STAG2: variants seen among roughly 807,000 people sequenced by gnomAD.
STAG2 encodes the protein STAG2 cohesin complex component.
Under a neutral mutation model 108.1 loss-of-function variants are expected in STAG2, and 14 were observed. That is an observed-to-expected ratio of 0.13 (90% CI 0.09 to 0.20). The LOEUF is 0.20. Ranked by LOEUF, STAG2 falls within the 10% of genes least tolerant of loss-of-function variation. STAG2 has a pLI of 1.00. For synonymous variants in STAG2, 307 were observed against 302.7 expected (o/e 1.01, Z -0.15); for missense variants, 440 against 940.9 (o/e 0.47, Z 6.96).
chrX:124,058,478 AC>A (rs1227509964), intron 15 of STAG2, among the ~76,000 whole-genome samples: 3 of 112,417 alleles, frequency 2.7e-5, no homozygotes, highest in African/African-American at 9.7e-5. Flanking sequence ...AGATGTTCAA[AC>A]AGTAGGATTT....
chrX:123,990,115 T>C (rs926634342), intron 1 of STAG2, among the ~76,000 whole-genome samples: 1 of 111,679 alleles, frequency 9.0e-6, no homozygotes, highest in African/African-American at 3.3e-5. Context: ...AAAATGAAAG[T>C]ACACTCCACA....
intron 1 of STAG2, among the ~76,000 whole-genome samples, chrX:123,991,632 C>T (rs1036785137): frequency 5.5e-5 from 6 of 108,901 alleles, no homozygotes; most frequent in East Asian, 2.9e-4. Context: ...GGATTACAGG[C>T]GTGAGCCACC....
intron 2 of STAG2, among the ~76,000 whole-genome samples, chrX:124,021,689 C>T (rs1411798658): frequency 9.0e-6 from 1 of 111,723 alleles, no homozygotes; most frequent in African/African-American, 3.3e-5. Flanking sequence ...AACATTTTTT[C>T]CCCCTTCTCT....
chrX:124,056,731 TAAAAA>T (rs771229412), intron 14 of STAG2, among the ~76,000 whole-genome samples: 3 of 42,381 alleles, frequency 7.1e-5, no homozygotes, highest in African/African-American at 2.9e-4. Context: ...AGACTCCATC[TAAAAA>T]AAAAAAAAAA....
intron 5 of STAG2, among the ~76,000 whole-genome samples, chrX:124,036,915 T>G (rs2057535873): frequency 9.0e-6 from 1 of 110,820 alleles, no homozygotes; most frequent in South Asian, 3.8e-4. Flanking sequence ...GGAGTCTCAC[T>G]CACTCTGTTG....
intron 30 of STAG2, among the ~76,000 whole-genome samples, chrX:124,089,870 G>A (rs2059208234): frequency 9.1e-6 from 1 of 110,068 alleles, no homozygotes; most frequent in Non-Finnish European, 1.9e-5. Context: ...AGATTAATAG[G>A]GTTCAGTCGA....
chrX:124,058,314 C>G (rs1021924765), intron 15 of STAG2, among the ~76,000 whole-genome samples: 2 of 110,492 alleles, frequency 1.8e-5, no homozygotes, highest in Non-Finnish European at 3.8e-5. Context: ...TGTGCCACCA[C>G]GCCCAGCTAA....
intron 1 of STAG2, among the ~76,000 whole-genome samples, chrX:124,005,629 A>G (rs1450675937): frequency 1.8e-5 from 2 of 112,011 alleles, no homozygotes; most frequent in Non-Finnish European, 3.8e-5. Flanking sequence ...CTTGGGATCC[A>G]TCCATGTTGT....
rs138302347 is a variant in STAG2, at chrX:123,974,140, C to T, written c.-163+12284C>T. On this transcript the variant is annotated intron_variant, in intron 1 of 34. Transcript: ENST00000371145. ...CAACTGAGAAAACAAGCAGAACAAC[C>T]GAGGGCTTTAATGTAGCCTTGGAAT... is the stretch of plus-strand genomic sequence containing the variant. Among the ~76,000 whole-genome samples the T allele has an allele frequency of 6.0e-3, 672 of 111,127 alleles. 5 individuals carry two copies. The highest frequency in any genetic ancestry group is 0.02 in the African/African-American group (618 of 30,670).
rs2148312605 is a variant in STAG2 at position 124,061,867 on chromosome X, GA to G, written c.1636del (p.Arg546GlyfsTer30). 8.5e-7 allele frequency: 1 copy of G among 1,170,248 alleles called. No homozygotes were observed. The highest frequency in any genetic ancestry group is 1.2e-6 in the Non-Finnish European group (1 of 869,159). ...CATCCTCCCGTGGGAAGAGGGACAG[GA>G]AAAAGGGTATGCCAATCAATGTCTT... ...ECHPPVGRGT[G>X]KRVLTAKEKK... On this transcript the variant is annotated frameshift_variant, in exon 17 of 35. Transcript: ENST00000371145. LOFTEE classifies it high-confidence loss of function.
chrX:124,056,037 C>T, intron 13 of STAG2, 91 bp from the exon 14 acceptor site: 2 of 479,487 alleles, frequency 4.2e-6, no homozygotes, highest in East Asian at 4.6e-5. Context: ...AACTTTACAA[C>T]TTTTTAAAAG....
intron 3 of STAG2, among the ~76,000 whole-genome samples, chrX:124,024,902 C>G (rs2057044896): frequency 8.9e-6 from 1 of 111,782 alleles, no homozygotes; most frequent in Admixed American, 9.6e-5. Context: ...GACCCAAATA[C>G]TAATATAAGT....
intron 26 of STAG2, among the ~76,000 whole-genome samples, chrX:124,077,192 C>T (rs966924628): frequency 5.4e-5 from 6 of 110,403 alleles, no homozygotes; most frequent in African/African-American, 2.0e-4. Flanking sequence ...GCTACTTGAA[C>T]TCTAATATCA....
chrX:124,019,676 C>T (rs1012822107), intron 1 of STAG2, among the ~76,000 whole-genome samples: 1 of 111,517 alleles, frequency 9.0e-6, no homozygotes, highest in Non-Finnish European at 1.9e-5. Flanking sequence ...TGGCTCACGC[C>T]TGTAATCTCA....
chrX:124,048,326 C>T (rs750025084), intron 9 of STAG2, among the ~76,000 whole-genome samples: 21 of 112,005 alleles, frequency 1.9e-4, no homozygotes, highest in Admixed American at 1.6e-3. Context: ...GTCTAAATTC[C>T]TCATATTTTT....
At chrX:123,996,387 A>G (rs1338761627) in intron 1 of STAG2, among the ~76,000 whole-genome samples, 1 of 112,237 alleles carries the variant, frequency 8.9e-6, no homozygotes, top group African/African-American at 3.2e-5. Context: ...TAAATTAAAA[A>G]ATTAAGATAT....
chrX:124,084,096 T>C (rs1390719709), intron 29 of STAG2, among the ~76,000 whole-genome samples: 2 of 112,016 alleles, frequency 1.8e-5, no homozygotes, highest in Non-Finnish European at 3.8e-5. Context: ...GGATTTAAAT[T>C]CTCAAAAATC....
intron 1 of STAG2, among the ~76,000 whole-genome samples, chrX:124,010,275 A>G (rs1434249255): frequency 1.8e-5 from 2 of 111,432 alleles, no homozygotes; most frequent in Non-Finnish European, 3.8e-5. Flanking sequence ...CCTATTAAAC[A>G]ACAACTCCCG....
intron 15 of STAG2, among the ~76,000 whole-genome samples, chrX:124,058,338 C>T (rs926994736): frequency 3.6e-4 from 40 of 110,030 alleles, no homozygotes; most frequent in African/African-American, 1.2e-3. Flanking sequence ...TTAGTACAGA[C>T]GGGGTTTCAC....
Sources: gnomAD v4.1 joint callset for allele counts (sites outside exome capture counted in the v4.1 genomes callset) on GRCh38, gnomAD v4.1.1 for gene constraint, MANE v1.5 for transcripts, NCBI Gene and HGNC (gene_info 2026-07-23, HGNC 2026-07-21) for gene names.